Variants in SPAG9 observed in about 807,000 individuals in gnomAD.
SPAG9 encodes sperm associated antigen 9.
Under a neutral mutation model 166.5 loss-of-function variants are expected in SPAG9, and 35 were observed. The observed-to-expected ratio is 0.21, with a 90% CI of 0.16 to 0.28. The LOEUF (loss-of-function observed/expected upper bound fraction) is 0.28. SPAG9 is among the 10% of genes least tolerant of loss of function. The pLI, the probability that SPAG9 is intolerant of heterozygous loss-of-function variation, is 1.00. For synonymous variants in SPAG9, 534 were observed against 565.5 expected (o/e 0.94, Z 0.79); for missense variants, 1,235 against 1,603.3 (o/e 0.77, Z 3.92).
rs940801298 is a variant in SPAG9, at chr17:50,965,498, G to A, written c.*774C>T. 1 of 152,134 alleles carries A rather than the reference G, an allele frequency of 6.6e-6. No homozygotes were observed. Among genetic ancestry groups the A allele is most frequent in the Non-Finnish European group, 1.5e-5 (1 of 68,032 alleles). 9.4% of individuals were successfully genotyped at this position (152,134 alleles called of 1,614,324 possible). A position where few individuals can be genotyped will look rare whatever the true frequency, so the allele number is the denominator to read the frequency against. On this transcript the variant is annotated 3_prime_UTR_variant, in exon 30 of 30. Coordinates refer to ENST00000262013, the MANE Select transcript of SPAG9 (RefSeq NM_001130528.3). ...GCTGAAGTATCTTCTAAGCTTCCCA[G>A]AGTATGTCCTAAGCTTTATAAATAA...
Position 51,120,775 on chromosome 17 carries a change from G to A in SPAG9, c.-119C>T. 2.4e-6 allele frequency: 2 copies of A among 832,192 alleles called. No homozygotes were observed. Among genetic ancestry groups the A allele is most frequent in the Non-Finnish European group, 3.4e-6 (2 of 583,494 alleles). 51.6% of individuals were successfully genotyped at this position (832,192 alleles called of 1,614,324 possible). ...TACTAGGGCTGGAGCCCGGGCCGGG[G>A]CTGGGGCTGGGCCCGGCGGGGTGGG... On this transcript the variant is annotated 5_prime_UTR_variant, in exon 1 of 30. Transcript: ENST00000262013. This position sits in a 1 kb window ranked among gnomAD's most constrained non-coding sequence, Gnocchi z 4.7.
intron 10 of SPAG9, among the ~76,000 whole-genome samples, chr17:51,006,783 G>C (rs1377416627): frequency 6.6e-6 from 1 of 152,162 alleles, no homozygotes; most frequent in East Asian, 1.9e-4. Context: ...CATGACTGGG[G>C]ATCTGTCCCA....
At position 51,046,859 on chromosome 17, in the gene SPAG9, G is replaced by A. The variant is rs1000095236; in HGVS notation, c.590+516C>T. The A allele has an allele frequency of 2.0e-6, 3 of 1,529,546 alleles. No individual in the cohort carries two copies. In the African/African-American group the frequency reaches 4.1e-5, roughly 21 times the overall value. 94.7% of individuals were successfully genotyped at this position (1,529,546 alleles called of 1,614,324 possible). A position where few individuals can be genotyped will look rare whatever the true frequency, so the allele number is the denominator to read the frequency against. On this transcript the variant is annotated intron_variant, in intron 4 of 29. Transcript: ENST00000262013. ...CTCCCCACCTCATAACCATAGAGCT[G>A]CTGCTCCTAGCATTTATGCAGCAAC...
chr17:51,085,128 G>GT (rs1173834437), intron 1 of SPAG9, among the ~76,000 whole-genome samples: 1 of 152,104 alleles, frequency 6.6e-6, no homozygotes, highest in East Asian at 1.9e-4. Flanking sequence ...GATTACAGGC[G>GT]TAAGCCACCG....
chr17:51,033,776 A>T (rs1201601677), intron 5 of SPAG9, among the ~76,000 whole-genome samples: 1 of 152,252 alleles, frequency 6.6e-6, no homozygotes, highest in Non-Finnish European at 1.5e-5. Flanking sequence ...GAGCATCAAT[A>T]AATTTTTTTG....
chr17:50,985,976 T>C (rs1170077477), intron 22 of SPAG9, among the ~76,000 whole-genome samples, 198 bp from the exon 23 acceptor site: 1 of 152,242 alleles, frequency 6.6e-6, no homozygotes, highest in African/African-American at 2.4e-5. Flanking sequence ...AATAGGCTGC[T>C]GAGCAAAGAA....
At chr17:50,997,677 C>T (rs10491151) in intron 15 of SPAG9, among the ~76,000 whole-genome samples, 36,622 of 151,972 alleles carry the variant, frequency 0.24, 5,269 homozygotes, top group Admixed American at 0.34. Context: ...TAATTGGGTC[C>T]AATCACCTTT....
intron 26 of SPAG9, 127 bp downstream of exon 26, chr17:50,979,619 G>T: frequency 1.2e-6 from 1 of 824,310 alleles, no homozygotes; most frequent in Non-Finnish European, 1.9e-6. Flanking sequence ...TGCTATGACT[G>T]CACCTGTGCA....
chr17:51,095,988 T>TAGTGATATATATAC (rs2048626125), intron 1 of SPAG9, among the ~76,000 whole-genome samples: 1 of 105,274 alleles, frequency 9.5e-6, no homozygotes, highest in African/African-American at 3.7e-5. Flanking sequence ...TATATATATA[T>TAGTGATATATATAC]AGTGATATAT....
At chr17:51,095,091 C>T (rs1240921222) in intron 1 of SPAG9, among the ~76,000 whole-genome samples, 1 of 149,818 alleles carries the variant, frequency 6.7e-6, no homozygotes, top group Non-Finnish European at 1.5e-5. Context: ...GTCAGGAGAT[C>T]GAGACCATCC....
intron 4 of SPAG9, chr17:51,046,886 C>T: frequency 6.6e-7 from 1 of 1,521,972 alleles, no homozygotes; most frequent in Non-Finnish European, 8.8e-7. Flanking sequence ...TGCAGCAACC[C>T]CAAGCGACAG....
chr17:51,113,353 C>CAAAA (rs34917845), intron 1 of SPAG9, among the ~76,000 whole-genome samples: 6 of 95,852 alleles, frequency 6.3e-5, no homozygotes, highest in East Asian at 6.5e-4. Flanking sequence ...AATGCCATAT[C>CAAAA]AAAAAAAAAA....
At chr17:51,088,463 T>A (rs1598157771) in intron 1 of SPAG9, among the ~76,000 whole-genome samples, 1 of 152,134 alleles carries the variant, frequency 6.6e-6, no homozygotes, top group South Asian at 2.1e-4. Context: ...AGTGCTATAA[T>A]GAAAGCAGAG....
At chr17:51,094,427 C>A (rs1197755122) in intron 1 of SPAG9, among the ~76,000 whole-genome samples, 2 of 151,984 alleles carry the variant, frequency 1.3e-5, no homozygotes, top group Non-Finnish European at 2.9e-5. Flanking sequence ...TCCCATGGAA[C>A]CAGAATAGTA....
intron 1 of SPAG9, among the ~76,000 whole-genome samples, chr17:51,105,588 T>C (rs1598191150): frequency 6.6e-6 from 1 of 152,064 alleles, no homozygotes; most frequent in African/African-American, 2.4e-5. Flanking sequence ...ACTTAAAGCT[T>C]GGCCGGGCGC....
rs114019651 is a variant in SPAG9, at chr17:51,106,175, C to A, written c.303+14179G>T. On this transcript the variant is annotated intron_variant, in intron 1 of 29. Transcript: ENST00000262013. ...CACACTAGCTGGGCATGATGGCATA[C>A]ACCTGTAGTCCTAGCTACTCAGGAG... 7.8e-3 allele frequency among the ~76,000 whole-genome samples: 1,163 copies of A among 150,054 alleles called. 15 individuals are homozygous for A. The highest frequency in any genetic ancestry group is 0.027 in the African/African-American group (1,091 of 40,818).
chr17:51,099,987 C>T (rs1258662878), intron 1 of SPAG9, among the ~76,000 whole-genome samples: 1 of 151,996 alleles, frequency 6.6e-6, no homozygotes, highest in Non-Finnish European at 1.5e-5. Flanking sequence ...GTAACTCCAG[C>T]TACTCAGGAG....
chr17:50,993,717 G>A, intron 19 of SPAG9, 47 bp downstream of exon 19: 1 of 1,584,830 alleles, frequency 6.3e-7, no homozygotes, highest in South Asian at 1.1e-5. Context: ...TGCCCAGCAG[G>A]TAGGTGGATG....
At chr17:51,056,318 A>T (rs965593827) in intron 3 of SPAG9, 94 bp downstream of exon 3, 1 of 751,896 alleles carries the variant, frequency 1.3e-6, no homozygotes, top group Non-Finnish European at 2.3e-6. Context: ...TTTTTTAAAA[A>T]ATTCTGATTT....
Sources: gnomAD v4.1 joint callset for allele counts (sites outside exome capture counted in the v4.1 genomes callset) on GRCh38, gnomAD v4.1.1 for gene constraint, Gnocchi (gnomAD v3.1) non-coding constraint, MANE v1.5 for transcripts, NCBI Gene and HGNC (gene_info 2026-07-23, HGNC 2026-07-21) for gene names.